AGBL4: variants seen among roughly 807,000 people sequenced by gnomAD.
AGBL4 encodes AGBL carboxypeptidase 4.
A neutral mutation model predicts 66.4 loss-of-function variants in AGBL4; 58 were observed. That is an observed-to-expected ratio of 0.87 (90% CI 0.71 to 1.09). The LOEUF (loss-of-function observed/expected upper bound fraction) is 1.09, where lower values mean the gene tolerates loss of function less well. Among genes scored for constraint, AGBL4 ranks in the 50% least tolerant of loss-of-function variants. AGBL4 has a pLI of 0.00. For synonymous variants in AGBL4, 234 were observed against 222.9 expected, an observed-to-expected ratio of 1.05 and a Z score of -0.44; for missense variants, 579 against 631.0, an observed-to-expected ratio of 0.92 and a Z score of 0.88.
intron 3 of AGBL4, among the ~76,000 whole-genome samples, chr1:49,278,376 A>C (rs779563359): frequency 5.3e-5 from 8 of 152,162 alleles, no homozygotes; most frequent in Non-Finnish European, 1.2e-4. Flanking sequence ...CAAACAGGGC[A>C]GTAAATCTAA....
chr1:49,214,794 AC>A lies in AGBL4; in HGVS notation c.377+30975del, dbSNP rs544018482. ...GAAAAAAGATTGAAATGTAGTCTTG[AC>A]CTGAAAACCTTGAGATTGAAGCGGT... On this transcript the variant is annotated intron_variant, in intron 4 of 13. Transcript: ENST00000371839. Among the ~76,000 whole-genome samples, 31 of 152,252 alleles carry A rather than the reference AC, an allele frequency of 2.0e-4. No individual in the cohort carries two copies. The East Asian group carries it at 5.6e-3, about 28-fold the overall frequency.
At chr1:49,569,248 G>T (rs1006271965) in intron 3 of AGBL4, among the ~76,000 whole-genome samples, 1 of 152,118 alleles carries the variant, frequency 6.6e-6, no homozygotes, top group Non-Finnish European at 1.5e-5. Context: ...GGGGGCTGGG[G>T]CAGGGGTAGG....
intron 1 of AGBL4, among the ~76,000 whole-genome samples, chr1:49,886,413 G>A (rs190553826): frequency 1.1e-3 from 170 of 152,170 alleles, no homozygotes; most frequent in African/African-American, 4.0e-3. Flanking sequence ...GAGAGAAAAA[G>A]TAGCTAGATC....
At chr1:49,839,854 T>C (rs1288212299) in intron 2 of AGBL4, among the ~76,000 whole-genome samples, 1 of 152,200 alleles carries the variant, frequency 6.6e-6, no homozygotes. Flanking sequence ...TCTCCTATTA[T>C]AATTCTATGA....
chr1:49,282,855 G>C (rs974063898), intron 3 of AGBL4, among the ~76,000 whole-genome samples: 2 of 152,198 alleles, frequency 1.3e-5, no homozygotes, highest in Admixed American at 6.5e-5. Flanking sequence ...TCCCGCACCT[G>C]GCTTGGAGGG....
At chr1:48,795,902 C>T (rs1645663236) in intron 6 of AGBL4, among the ~76,000 whole-genome samples, 2 of 152,348 alleles carry the variant, frequency 1.3e-5, no homozygotes, top group East Asian at 3.9e-4. Context: ...GATCCACCCG[C>T]CTCAGCCTCC....
rs151048051 is a variant in AGBL4, at chr1:48,941,780, C to A, written c.595-74550G>T. Among the ~76,000 whole-genome samples, 219 of 152,270 alleles carry A rather than the reference C, an allele frequency of 1.4e-3. 2 individuals carry two copies. The highest frequency in any genetic ancestry group is 5.0e-3 in the African/African-American group (208 of 41,550). Reference sequence around the variant, plus strand: ...ATATACAAGCTTGTTTTATTCTCTCCATTTTCAAAGTGGAACTCAAAGAGG... The same window carrying A: ...ATATACAAGCTTGTTTTATTCTCTCAATTTTCAAAGTGGAACTCAAAGAGG... On this transcript the variant is annotated intron_variant, in intron 5 of 13. Coordinates refer to ENST00000371839, the MANE Select transcript of AGBL4 (RefSeq NM_032785.4).
intron 3 of AGBL4, among the ~76,000 whole-genome samples, chr1:49,415,016 G>A (rs1438880026): frequency 6.6e-6 from 1 of 152,084 alleles, no homozygotes; most frequent in Non-Finnish European, 1.5e-5. Flanking sequence ...AGGAACCTGA[G>A]GCATAGAGAG....
At chr1:49,958,783 G>C (rs1656866363) in intron 1 of AGBL4, among the ~76,000 whole-genome samples, 1 of 151,758 alleles carries the variant, frequency 6.6e-6, no homozygotes, top group Non-Finnish European at 1.5e-5. Flanking sequence ...AATGGCACAT[G>C]TATACATATG....
At chr1:49,399,605 G>T (rs1398817876) in intron 3 of AGBL4, among the ~76,000 whole-genome samples, 1 of 152,066 alleles carries the variant, frequency 6.6e-6, no homozygotes, top group African/African-American at 2.4e-5. Flanking sequence ...GCAGTGTTGA[G>T]CATCTTTTCA....
intron 5 of AGBL4, among the ~76,000 whole-genome samples, chr1:48,900,888 C>A (rs533376637): frequency 1.3e-5 from 2 of 152,098 alleles, no homozygotes; most frequent in East Asian, 1.9e-4. Context: ...ATCAAAATTT[C>A]AAAACTTCTA....
rs1271237321 is a variant in AGBL4 at position 48,534,887 on chromosome 1, T to TA, written c.1391+2dup. The TA allele has an allele frequency of 6.4e-7, 1 of 1,551,290 alleles. No individual in the cohort carries two copies. The highest frequency in any genetic ancestry group is 8.7e-7 in the Non-Finnish European group (1 of 1,146,742). On this transcript the variant is annotated splice_region_variant and intron_variant, in intron 13 of 13. Transcript: ENST00000371839. Reference sequence around the variant, plus strand: ...GCAATGTCATCTTGAAGCAGTTCCTTACCTTCTCTGGACTTCTATTTCTTT... The same window carrying TA: ...GCAATGTCATCTTGAAGCAGTTCCTTAACCTTCTCTGGACTTCTATTTCTTT...
downstream of AGBL4, among the ~76,000 whole-genome samples, chr1:48,530,956 G>A (rs774375311): frequency 6.6e-6 from 1 of 152,260 alleles, no homozygotes; most frequent in African/African-American, 2.4e-5. Flanking sequence ...AGCCTCTGGC[G>A]GGTTGTACAC....
chr1:49,321,381 C>T (rs1645130204), intron 3 of AGBL4, among the ~76,000 whole-genome samples: 2 of 152,086 alleles, frequency 1.3e-5, no homozygotes, highest in South Asian at 4.1e-4. Context: ...CAATGAGATG[C>T]CCTTTTCTAC....
intron 5 of AGBL4, among the ~76,000 whole-genome samples, chr1:48,869,690 A>C (rs1282581604): frequency 1.3e-5 from 2 of 152,156 alleles, no homozygotes; most frequent in African/African-American, 4.8e-5. Flanking sequence ...ACTGGGAGCC[A>C]AACGCAACCA....
At chr1:49,916,122 C>T (rs1444914286) in intron 1 of AGBL4, among the ~76,000 whole-genome samples, 1 of 152,122 alleles carries the variant, frequency 6.6e-6, no homozygotes, top group African/African-American at 2.4e-5. Flanking sequence ...GATAAAACCA[C>T]AAAGATGGGG....
intron 6 of AGBL4, among the ~76,000 whole-genome samples, chr1:48,846,184 C>T (rs979882758): frequency 2.0e-5 from 3 of 152,066 alleles, no homozygotes; most frequent in Non-Finnish European, 4.4e-5. Flanking sequence ...GATTGTCCCA[C>T]CCATAAGTAT....
At chr1:49,440,491 G>C (rs1646003331) in intron 3 of AGBL4, among the ~76,000 whole-genome samples, 1 of 152,170 alleles carries the variant, frequency 6.6e-6, no homozygotes, top group Admixed American at 6.5e-5. Flanking sequence ...AAGGAGTTTA[G>C]TGACTCTATA....
intron 6 of AGBL4, among the ~76,000 whole-genome samples, chr1:48,702,377 C>T (rs902818759): frequency 2.0e-5 from 3 of 152,038 alleles, no homozygotes; most frequent in Non-Finnish European, 4.4e-5. Flanking sequence ...CTGCAACCTC[C>T]ACCTCCCAGG....
Sources: allele counts gnomAD v4.1 joint callset (sites outside exome capture counted in the v4.1 genomes callset), GRCh38; gene constraint gnomAD v4.1.1; transcripts MANE v1.5; gene names NCBI Gene and HGNC (gene_info 2026-07-23, HGNC 2026-07-21).